Variants in AKAP12 observed in about 807,000 individuals in gnomAD.
AKAP12 encodes the protein A-kinase anchoring protein 12.
AKAP12 carries 32 observed loss-of-function variants against 79.9 expected under a neutral mutation model. The observed-to-expected ratio is 0.40, with a 90% CI of 0.30 to 0.54. The LOEUF is 0.54. Ranked by LOEUF, AKAP12 falls within the 20% of genes least tolerant of loss-of-function variation. The pLI is 0.48. For missense variants in AKAP12, 2,074 were observed against 2,177.0 expected, an observed-to-expected ratio of 0.95 and a Z score of 0.94; for synonymous variants, 808 against 857.0, an observed-to-expected ratio of 0.94 and a Z score of 1.00.
In AKAP12 at chr6:151,357,711, T is replaced by TAAA. The variant is rs1562759170; in HGVS notation, c.*1997_*1998insAAA. On this transcript the variant is annotated 3_prime_UTR_variant, in exon 5 of 5. Transcript: ENST00000402676. ...AAAACCTCTGATATATATATATAAT[T>TAAA]TTTTTTTTTTTTTTTTTTTGGCCAA... is the stretch of plus-strand genomic sequence containing the variant. 29 of 25,962 alleles carry TAAA rather than the reference T, an allele frequency of 1.1e-3. No individual in the cohort carries two copies. The highest frequency in any genetic ancestry group is 1.8e-3 in the African/African-American group (28 of 15,616). The allele number at this position is 25,962 out of a possible 1,614,324, so 1.6% of individuals were successfully genotyped here. A position where few individuals can be genotyped will look rare whatever the true frequency, so the allele number is the denominator to read the frequency against.
chr6:151,341,991 G>GC (rs1562748404), intron 3 of AKAP12, among the ~76,000 whole-genome samples: 1 of 152,242 alleles, frequency 6.6e-6, no homozygotes, highest in African/African-American at 2.4e-5. Flanking sequence ...CGTGACAGGT[G>GC]CCAAAACGCT....
intron 2 of AKAP12, among the ~76,000 whole-genome samples, chr6:151,263,443 A>G (rs1015620618): frequency 2.2e-4 from 34 of 152,210 alleles, no homozygotes; most frequent in African/African-American, 7.2e-4. Context: ...CCACTAACTC[A>G]GAACTCTTCC....
At position 151,352,956 on chromosome 6, in the gene AKAP12, A is replaced by G; in HGVS notation, c.4565A>G (p.Gln1522Arg). 6.3e-7 allele frequency: 1 copy of G among 1,595,476 alleles called. No individual in the cohort carries two copies. Among genetic ancestry groups the G allele is most frequent in the Non-Finnish European group, 8.5e-7 (1 of 1,174,560 alleles). ...GAAGTCGATGAGCAGGTTGCTTGCC[A>G]GGAGGTCAAAGTGAGTGTAGCAATT... ...SDEVDEQVAC[Q>R]EVKVSVAIED... Residue 1522 changes from glutamine to arginine, a missense_variant, in exon 4 of 5, where the codon CAG becomes CGG. Around this residue, in one of 3 missense-constraint regions of AKAP12, gnomAD observed 614 missense variants for 665.6 expected, o/e 0.92. Coordinates refer to ENST00000402676, the MANE Select transcript of AKAP12 (RefSeq NM_005100.4).
intron 2 of AKAP12, among the ~76,000 whole-genome samples, chr6:151,298,146 T>G (rs1171919882): frequency 6.6e-6 from 1 of 152,144 alleles, no homozygotes; most frequent in Non-Finnish European, 1.5e-5. Flanking sequence ...ATGCTTTCTA[T>G]AGTTTAAAAA....
intron 2 of AKAP12, among the ~76,000 whole-genome samples, chr6:151,273,096 A>G (rs1776222486): frequency 6.6e-6 from 1 of 151,978 alleles, no homozygotes; most frequent in Non-Finnish European, 1.5e-5. Context: ...TTTAGTAGAG[A>G]TGGGGTTTCA....
rs1303327962 is a variant in AKAP12, at chr6:151,332,033, G to GTTGTTTTTTTT, written c.320-16676_320-16675insGTTTTTTTTTT. Among the ~76,000 whole-genome samples the GTTGTTTTTTTT allele has an allele frequency of 6.3e-5, 5 of 79,680 alleles. No homozygotes were observed. The South Asian group carries it at 1.7e-3, about 27-fold the overall frequency. The allele number at this position is 79,680 out of a possible 152,430, so 52.3% of individuals were successfully genotyped here. ...GAGTAGCACGTCCAGTTCTGGGTCT[G>GTTGTTTTTTTT]TTTTTTTTTTTTTTTTTTTTTGAGA... On this transcript the variant is annotated intron_variant, in intron 3 of 4. Coordinates refer to ENST00000402676, the MANE Select transcript of AKAP12 (RefSeq NM_005100.4).
In AKAP12 at chr6:151,260,723, T is replaced by C. The variant is rs139851381; in HGVS notation, c.162+19999T>C. ...ATTTTTCTCTTTATTTTGGGTGCAG[T>C]GACTCATGCCTGTAATCCCAGCACT... On this transcript the variant is annotated intron_variant, in intron 2 of 4. Coordinates refer to ENST00000402676, the MANE Select transcript of AKAP12 (RefSeq NM_005100.4). Among the ~76,000 whole-genome samples the C allele has an allele frequency of 7.0e-3, 1,067 of 152,334 alleles. 9 individuals carry two copies. Among genetic ancestry groups the C allele is most frequent in the African/African-American group, 0.024 (1,012 of 41,592 alleles).
chr6:151,273,685 A>G (rs1042139566), intron 2 of AKAP12, among the ~76,000 whole-genome samples: 5 of 152,200 alleles, frequency 3.3e-5, no homozygotes, highest in African/African-American at 1.2e-4. Flanking sequence ...CTTTTGGTAG[A>G]CATATTTAAT....
At chr6:151,345,443 C>T (rs1440447252) in intron 3 of AKAP12, among the ~76,000 whole-genome samples, 1 of 140,648 alleles carries the variant, frequency 7.1e-6, no homozygotes, top group Non-Finnish European at 1.5e-5. Flanking sequence ...TTGTTAAGAT[C>T]TTTTTGGTGT....
At chr6:151,277,944 A>ATG (rs10524824) in intron 2 of AKAP12, among the ~76,000 whole-genome samples, 7,342 of 148,366 alleles carry the variant, frequency 0.049, 284 homozygotes, top group East Asian at 0.13. Flanking sequence ...TAATAGGTTT[A>ATG]TGTGTGTGTG....
At chr6:151,243,571 T>C (rs751529488) in intron 2 of AKAP12, among the ~76,000 whole-genome samples, 16 of 152,224 alleles carry the variant, frequency 1.1e-4, no homozygotes, top group Non-Finnish European at 2.1e-4. Context: ...GTTTTATCTA[T>C]GGTTCATTTC....
chr6:151,341,544 G>A, intron 3 of AKAP12: 1 of 292,322 alleles, frequency 3.4e-6, no homozygotes, highest in Non-Finnish European at 5.7e-6. Context: ...TGCGTCTTTT[G>A]TGATGTTCGC....
chr6:151,250,561 C>A (rs1164800381), intron 2 of AKAP12, among the ~76,000 whole-genome samples: 2 of 151,300 alleles, frequency 1.3e-5, no homozygotes, highest in African/African-American at 2.4e-5. Context: ...TTAAGCTTAG[C>A]TTGTTTTCTT....
chr6:151,249,067 G>A (rs77789458), intron 2 of AKAP12, among the ~76,000 whole-genome samples: 2,643 of 152,156 alleles, frequency 0.017, 84 homozygotes, highest in African/African-American at 0.061. Context: ...TCAGTGAAAT[G>A]CCCGTATCCC....
chr6:151,260,391 C>T (rs1458996704), intron 2 of AKAP12, among the ~76,000 whole-genome samples: 1 of 152,198 alleles, frequency 6.6e-6, no homozygotes, highest in Non-Finnish European at 1.5e-5. Flanking sequence ...GATGAGATCA[C>T]TGCAGTGTGA....
intron 3 of AKAP12, among the ~76,000 whole-genome samples, chr6:151,333,867 G>A (rs997845969): frequency 1.3e-5 from 2 of 152,116 alleles, no homozygotes; most frequent in African/African-American, 4.8e-5. Flanking sequence ...GGTGTGTCAT[G>A]TACAGTTGGG....
At chr6:151,274,818 T>C (rs1776259197) in intron 2 of AKAP12, among the ~76,000 whole-genome samples, 1 of 152,130 alleles carries the variant, frequency 6.6e-6, no homozygotes. Flanking sequence ...AATTTCTAAT[T>C]GTCACTGGGC....
chr6:151,355,155 C>T (rs1442488814), intron 4 of AKAP12, among the ~76,000 whole-genome samples: 1 of 151,794 alleles, frequency 6.6e-6, no homozygotes, highest in Non-Finnish European at 1.5e-5. Context: ...CACCACCATG[C>T]CCAGCTTAGT....
At chr6:151,323,477 C>T (rs554845653) in intron 3 of AKAP12, among the ~76,000 whole-genome samples, 392 of 151,192 alleles carry the variant, frequency 2.6e-3, no homozygotes, top group Non-Finnish European at 4.4e-3. Flanking sequence ...CACTTGAACC[C>T]GGGGGTCAGA....
Sources: gnomAD v4.1 joint callset for allele counts (sites outside exome capture counted in the v4.1 genomes callset) on GRCh38, gnomAD v4.1.1 for gene constraint, gnomAD v4.1.1 regional missense constraint, MANE v1.5 for transcripts, NCBI Gene and HGNC (gene_info 2026-07-23, HGNC 2026-07-21) for gene names.